The following KIRREL3 variants were observed in gnomAD, a reference collection of about 807,000 sequenced individuals.
KIRREL3 encodes the protein kin of IRRE-like protein 3.
A neutral mutation model predicts 89.7 loss-of-function variants in KIRREL3; 36 were observed. The observed-to-expected ratio is 0.40, with a 90% confidence interval of 0.31 to 0.53. KIRREL3 has a LOEUF of 0.53. Among genes scored for constraint, KIRREL3 ranks in the 20% least tolerant of loss-of-function variants. The pLI, the probability that KIRREL3 is intolerant of heterozygous loss-of-function variation, is 0.49. For synonymous variants in KIRREL3, 445 were observed against 441.4 expected, an observed-to-expected ratio of 1.01 and a Z score of -0.10; for missense variants, 864 against 1,056.6, an observed-to-expected ratio of 0.82 and a Z score of 2.53.
intron 1 of KIRREL3, among the ~76,000 whole-genome samples, chr11:126,693,543 A>G (rs925802149): frequency 2.0e-5 from 3 of 152,194 alleles, no homozygotes; most frequent in Non-Finnish European, 2.9e-5. Context: ...AAAGCGTGCA[A>G]GTCATGGCAG....
chr11:126,869,110 A>C (rs941475298), intron 1 of KIRREL3, among the ~76,000 whole-genome samples: 3 of 151,718 alleles, frequency 2.0e-5, no homozygotes, highest in East Asian at 3.9e-4. Context: ...ATCTACATAG[A>C]AAAAGCTGTT....
intron 11 of KIRREL3, 81 bp downstream of exon 11, chr11:126,440,368 C>G: frequency 7.9e-7 from 1 of 1,263,594 alleles, no homozygotes; most frequent in Non-Finnish European, 1.1e-6. Context: ...TGTGCACCGC[C>G]TGGCTGGCCA....
intron 4 of KIRREL3, among the ~76,000 whole-genome samples, chr11:126,505,729 G>T (rs1031117277): frequency 6.6e-6 from 1 of 152,006 alleles, no homozygotes. Flanking sequence ...ATAATAAAAT[G>T]CTTAGGGATA....
intron 6 of KIRREL3, among the ~76,000 whole-genome samples, chr11:126,457,128 C>T (rs1041752670): frequency 4.7e-5 from 7 of 150,436 alleles, no homozygotes; most frequent in African/African-American, 1.2e-4. Flanking sequence ...GACCGGAGGC[C>T]GACAGCGAGA....
rs569450711 is a variant in KIRREL3, at chr11:126,991,826, C to A, written c.55+8629G>T. 2.6e-5 allele frequency among the ~76,000 whole-genome samples: 4 copies of A among 152,270 alleles called. No individual in the cohort carries two copies. In the South Asian group the frequency reaches 8.3e-4, roughly 32 times the overall value. On this transcript the variant is annotated intron_variant, in intron 1 of 16. Transcript: ENST00000525144. The surrounding 1 kb of genome is among the most constrained non-coding windows in gnomAD (Gnocchi z 5.8). The stretch of plus-strand genomic sequence containing the variant: ...ATGACACCACAGCTTAGGATACTCT[C>A]CTGCATTTTTTAGTGTTGATGTGGA...
rs1950279383 is a variant in KIRREL3 at position 127,000,080 on chromosome 11, C to T, written c.55+375G>A. Among the ~76,000 whole-genome samples, 1 of 152,170 alleles carries T rather than the reference C, an allele frequency of 6.6e-6. No individual in the cohort carries two copies. Among genetic ancestry groups the T allele is most frequent in the African/African-American group, 2.4e-5 (1 of 41,440 alleles). ...AGCTCTCCCTCCCTGCCGTCTCCTT[C>T]CCTGGCCTGGGTCTGAAGGAGAGGA... is the stretch of plus-strand genomic sequence containing the variant. On this transcript the variant is annotated intron_variant, in intron 1 of 16. Coordinates refer to ENST00000525144, the MANE Select transcript of KIRREL3 (RefSeq NM_032531.4). The surrounding 1 kb of genome is among the most constrained non-coding windows in gnomAD (Gnocchi z 7.1).
At position 126,857,704 on chromosome 11, in the gene KIRREL3, G is replaced by A. The variant is rs142787784; in HGVS notation, c.55+142751C>T. On this transcript the variant is annotated intron_variant, in intron 1 of 16. Coordinates refer to ENST00000525144, the MANE Select transcript of KIRREL3 (RefSeq NM_032531.4). ...GGTCTTCCAGACCTCAGAGTCAACC[G>A]TTTTTCTATCACAGACCCTTCCTTG... 5.7e-3 allele frequency among the ~76,000 whole-genome samples: 836 copies of A among 147,126 alleles called. 4 individuals carry two copies. Among genetic ancestry groups the A allele is most frequent in the Non-Finnish European group, 8.5e-3 (575 of 67,310 alleles).
At position 126,541,718 on chromosome 11, in the gene KIRREL3, G is replaced by A. The variant is rs1938381265; in HGVS notation, c.134-15031C>T. Among the ~76,000 whole-genome samples, 1 of 152,092 alleles carries A rather than the reference G, an allele frequency of 6.6e-6. No individual in the cohort carries two copies. The highest frequency in any genetic ancestry group is 1.5e-5 in the Non-Finnish European group (1 of 68,024). ...TAGCTTCTGGGTCATCCTTCTGCAG[G>A]CGGTTTCTGGGCCACATCCTAAGGG... On this transcript the variant is annotated intron_variant, in intron 2 of 16. Coordinates refer to ENST00000525144, the MANE Select transcript of KIRREL3 (RefSeq NM_032531.4). The surrounding 1 kb of genome is among the most constrained non-coding windows in gnomAD (Gnocchi z 4.8).
chr11:126,787,993 C>G (rs372830223), intron 1 of KIRREL3, among the ~76,000 whole-genome samples: 1 of 152,160 alleles, frequency 6.6e-6, no homozygotes, highest in South Asian at 2.1e-4. Context: ...TCATCATCAC[C>G]CCCATTTTAC....
chr11:126,522,975 G>C lies in KIRREL3; in HGVS notation c.284-1511C>G, dbSNP rs554179373. Among the ~76,000 whole-genome samples the C allele has an allele frequency of 2.6e-5, 4 of 152,242 alleles. No individual in the cohort carries two copies. Among genetic ancestry groups the C allele is most frequent in the African/African-American group, 9.6e-5 (4 of 41,460 alleles). ...AAAGAGAAGATGAGGGCTTAAGCAA[G>C]TGAGAGAGACAGAACAAAGACAGGC... On this transcript the variant is annotated intron_variant, in intron 3 of 16. Transcript: ENST00000525144. The surrounding 1 kb of genome is among the most constrained non-coding windows in gnomAD (Gnocchi z 6.0).
At chr11:127,002,679 T>C (rs561656536), upstream of KIRREL3, among the ~76,000 whole-genome samples, 27 of 152,294 alleles carry the variant, frequency 1.8e-4, no homozygotes, top group Non-Finnish European at 2.6e-4. Context: ...ATAGGACAAA[T>C]ACTAGAATGC....
intron 1 of KIRREL3, among the ~76,000 whole-genome samples, chr11:126,629,709 G>A (rs1376906817): frequency 6.6e-6 from 1 of 152,174 alleles, no homozygotes; most frequent in Admixed American, 6.5e-5. Flanking sequence ...AGGAAAATGA[G>A]GTTGGACTAT....
chr11:126,859,340 A>C (rs1944635181), intron 1 of KIRREL3, among the ~76,000 whole-genome samples: 1 of 152,232 alleles, frequency 6.6e-6, no homozygotes, highest in East Asian at 1.9e-4. Context: ...AAACTGACAC[A>C]TGGCAACTTA....
At chr11:126,827,877 G>C (rs949123749) in intron 1 of KIRREL3, among the ~76,000 whole-genome samples, 4 of 152,134 alleles carry the variant, frequency 2.6e-5, no homozygotes, top group Non-Finnish European at 5.9e-5. Flanking sequence ...CTTGTCATCT[G>C]ATTGCCACTG....
chr11:126,831,953 T>C lies in KIRREL3; in HGVS notation c.55+168502A>G, dbSNP rs190235195. On this transcript the variant is annotated intron_variant, in intron 1 of 16. Transcript: ENST00000525144. ...CATAGAACTGGTTGACACACAGATA[T>C]TAATGCATCTAACCCTCTAAACTGT... Among the ~76,000 whole-genome samples the C allele has an allele frequency of 2.1e-4, 32 of 152,354 alleles. 2 individuals are homozygous for C. The East Asian group carries it at 3.7e-3, about 17-fold the overall frequency.
At chr11:126,878,804 T>A (rs1181434172) in intron 1 of KIRREL3, among the ~76,000 whole-genome samples, 1 of 152,180 alleles carries the variant, frequency 6.6e-6, no homozygotes, top group Non-Finnish European at 1.5e-5. Context: ...TATATCCATA[T>A]TAAAGCTTTT....
chr11:126,536,642 CTTTTTTTT>C (rs145142970), intron 2 of KIRREL3, among the ~76,000 whole-genome samples: 2 of 77,160 alleles, frequency 2.6e-5, no homozygotes, highest in Admixed American at 1.7e-4. Flanking sequence ...CTGGGCAATG[CTTTTTTTT>C]TTTTTTTTTT....
At chr11:126,961,128 C>A (rs1181290944) in intron 1 of KIRREL3, among the ~76,000 whole-genome samples, 1 of 152,136 alleles carries the variant, frequency 6.6e-6, no homozygotes, top group East Asian at 1.9e-4. Flanking sequence ...CCATGAGACA[C>A]AACTATATTG....
rs1324116756 is a variant in KIRREL3, at chr11:126,528,196, C to T, written c.134-1509G>A. 6.6e-6 allele frequency among the ~76,000 whole-genome samples: 1 copy of T among 152,216 alleles called. No individual in the cohort carries two copies. Among genetic ancestry groups the T allele is most frequent in the Non-Finnish European group, 1.5e-5 (1 of 68,026 alleles). ...AGACCTAACCGAGGCAAAACTGGAC[C>T]TGGCGCTCCAGCTGCTGATGCTGTG... is the stretch of plus-strand genomic sequence containing the variant. On this transcript the variant is annotated intron_variant, in intron 2 of 16. Coordinates refer to ENST00000525144, the MANE Select transcript of KIRREL3 (RefSeq NM_032531.4). The surrounding 1 kb of genome is among the most constrained non-coding windows in gnomAD (Gnocchi z 4.6).
Sources: allele counts gnomAD v4.1 joint callset (sites outside exome capture counted in the v4.1 genomes callset), GRCh38; gene constraint gnomAD v4.1.1; non-coding constraint Gnocchi (gnomAD v3.1); transcripts MANE v1.5; gene names NCBI Gene and HGNC (gene_info 2026-07-23, HGNC 2026-07-21).